Variants in PCDHGB6 observed in about 807,000 individuals in gnomAD.
The protein encoded by PCDHGB6 is protocadherin gamma-B6.
A neutral mutation model predicts 59.1 loss-of-function variants in PCDHGB6; 51 were observed. That is an observed-to-expected ratio of 0.86 (90% confidence interval 0.69 to 1.09). The LOEUF is 1.09. Ranked by LOEUF, PCDHGB6 falls within the 50% of genes least tolerant of loss-of-function variation. PCDHGB6 has a pLI of 0.00. For missense variants in PCDHGB6, 1,148 were observed against 1,205.1 expected, an observed-to-expected ratio of 0.95 and a Z score of 0.70; for synonymous variants, 466 against 495.1, an observed-to-expected ratio of 0.94 and a Z score of 0.78.
chr5:141,495,900 G>A (rs1403705200), intron 2 of PCDHGB6, among the ~76,000 whole-genome samples: 2 of 151,894 alleles, frequency 1.3e-5, no homozygotes, highest in East Asian at 1.9e-4. Context: ...CTTTGTCTCT[G>A]TCTCTGTATA....
chr5:141,491,136 G>A lies in PCDHGB6; in HGVS notation c.2419-3671G>A, dbSNP rs769904518. On this transcript the variant is annotated intron_variant, in intron 1 of 3. Coordinates refer to ENST00000520790, the MANE Select transcript of PCDHGB6 (RefSeq NM_018926.3). This position sits in a 1 kb window ranked among gnomAD's most constrained non-coding sequence, Gnocchi z 6.9. ...ACACTGGTGAGGTGCGCACAGCCCG[G>A]GCCTTACTGGAGGATGACTCTGACA... The A allele has an allele frequency of 2.4e-5, 38 of 1,614,030 alleles. 1 individual carries two copies. The South Asian group carries it at 4.1e-4, about 17-fold the overall frequency.
Position 141,491,757 on chromosome 5 carries a change from C to G in PCDHGB6, c.2419-3050C>G. ...CTGGGGGCGGCACTGGAGAAGCCGC[C>G]CGTCCTCATAAGGGATTGAACTTGC... On this transcript the variant is annotated intron_variant, in intron 1 of 3. Coordinates refer to ENST00000520790, the MANE Select transcript of PCDHGB6 (RefSeq NM_018926.3). This position sits in a 1 kb window ranked among gnomAD's most constrained non-coding sequence, Gnocchi z 6.9. 1 of 1,580,374 alleles carries G rather than the reference C, an allele frequency of 6.3e-7. No individual in the cohort carries two copies. The highest frequency in any genetic ancestry group is 1.9e-5 in the Admixed American group (1 of 53,534).
Position 141,477,447 on chromosome 5 carries a change from G to C in PCDHGB6, c.2419-17360G>C, listed in dbSNP as rs779097830. On this transcript the variant is annotated intron_variant, in intron 1 of 3. Coordinates refer to ENST00000520790, the MANE Select transcript of PCDHGB6 (RefSeq NM_018926.3). The surrounding 1 kb of genome is among the most constrained non-coding windows in gnomAD (Gnocchi z 4.9). ...TCCCTCTCAGCCCTTACAATAGTGCGTGTTCAAGTGTCCGACATCAATGAC... is the reference window on the plus strand; with the variant it reads ...TCCCTCTCAGCCCTTACAATAGTGCCTGTTCAAGTGTCCGACATCAATGAC... The C allele has an allele frequency of 1.6e-5, 26 of 1,614,098 alleles. No individual in the cohort carries two copies. Among genetic ancestry groups the C allele is most frequent in the Non-Finnish European group, 2.2e-5 (26 of 1,180,016 alleles).
At chr5:141,440,501 A>G (rs2098183001) in intron 1 of PCDHGB6, 1 of 152,174 alleles carries the variant, frequency 6.6e-6, no homozygotes, top group African/African-American at 2.4e-5. Context: ...TCACATTAAT[A>G]TGGAGATTCA....
At chr5:141,421,718 G>C (rs778263773) in intron 1 of PCDHGB6, 1 of 1,613,966 alleles carries the variant, frequency 6.2e-7, no homozygotes, top group Middle Eastern at 1.7e-4. Context: ...CCAGATGTGG[G>C]CGTGAACTCC....
rs1253223100 is a variant in PCDHGB6 at position 141,493,049 on chromosome 5, T to C, written c.2419-1758T>C. Among the ~76,000 whole-genome samples the C allele has an allele frequency of 6.6e-6, 1 of 152,188 alleles. No homozygotes were observed. Among genetic ancestry groups the C allele is most frequent in the Non-Finnish European group, 1.5e-5 (1 of 68,032 alleles). Reference sequence around the variant, plus strand: ...GCCCTTATGTGTGAGGAAACTACAATAGTAAAAAACACAAGTTTCTCCAAC... The same window carrying C: ...GCCCTTATGTGTGAGGAAACTACAACAGTAAAAAACACAAGTTTCTCCAAC... On this transcript the variant is annotated intron_variant, in intron 1 of 3. Transcript: ENST00000520790. This position sits in a 1 kb window ranked among gnomAD's most constrained non-coding sequence, Gnocchi z 4.3.
intron 1 of PCDHGB6, among the ~76,000 whole-genome samples, chr5:141,453,065 G>A (rs1308047230): frequency 3.3e-5 from 5 of 151,960 alleles, no homozygotes; most frequent in African/African-American, 1.2e-4. Flanking sequence ...TTAGAGTTTT[G>A]CCACACTCTG....
At chr5:141,413,572 A>C in intron 1 of PCDHGB6, 2 of 1,613,890 alleles carry the variant, frequency 1.2e-6, no homozygotes, top group Non-Finnish European at 1.7e-6. Context: ...TATCAATGAC[A>C]ATGCTCCAAA....
rs2233600 is a variant in PCDHGB6, at chr5:141,489,134, A to C, written c.2419-5673A>C. 9,827 of 731,232 alleles carry C rather than the reference A, an allele frequency of 0.013. 1,099 individuals are homozygous for C. The East Asian group carries it at 0.25, about 19-fold the overall frequency. The allele number at this position is 731,232 out of a possible 1,614,324, so 45.3% of individuals were successfully genotyped here. A position where few individuals can be genotyped will look rare whatever the true frequency, so the allele number is the denominator to read the frequency against. Reference sequence around the variant, plus strand: ...GGCAAACCTCCGAGCAGTTTTTAAGAGGCTGGAAGGAGACATAAGAGACTT... The same window carrying C: ...GGCAAACCTCCGAGCAGTTTTTAAGCGGCTGGAAGGAGACATAAGAGACTT... On this transcript the variant is annotated intron_variant, in intron 1 of 3. Transcript: ENST00000520790. The surrounding 1 kb of genome is among the most constrained non-coding windows in gnomAD (Gnocchi z 4.5).
chr5:141,496,284 G>A (rs1052943936), intron 2 of PCDHGB6, among the ~76,000 whole-genome samples: 6 of 152,210 alleles, frequency 3.9e-5, no homozygotes, highest in Admixed American at 1.3e-4. Context: ...CAGTTGGTCT[G>A]AGCAGAGTGG....
intron 1 of PCDHGB6, chr5:141,413,635 A>C: frequency 6.2e-7 from 1 of 1,613,888 alleles, no homozygotes; most frequent in Non-Finnish European, 8.5e-7. Context: ...CGCTGCGGGA[A>C]TGCGTTTTCC....
Position 141,431,215 on chromosome 5 carries a change from C to T in PCDHGB6, c.2418+20595C>T, listed in dbSNP as rs1225114172. On this transcript the variant is annotated intron_variant, in intron 1 of 3. Transcript: ENST00000520790. The surrounding 1 kb of genome is among the most constrained non-coding windows in gnomAD (Gnocchi z 4.8). ...AAAATGCAGCCACTGAGATGCGGTT[C>T]CCTCTACCCCACGCCTGGGATCCGG... is the stretch of plus-strand genomic sequence containing the variant. 2.5e-6 allele frequency: 4 copies of T among 1,614,066 alleles called. No homozygotes were observed. The highest frequency in any genetic ancestry group is 1.3e-5 in the African/African-American group (1 of 74,942).
rs758439978 is a variant in PCDHGB6 at position 141,415,219 on chromosome 5, T to C, written c.2418+4599T>C. ...CCAAGTCCTGGCGGACCTCGGCAGC[T>C]TCGAGTCTCCAGCTAACTCTGAAAC... On this transcript the variant is annotated intron_variant, in intron 1 of 3. Coordinates refer to ENST00000520790, the MANE Select transcript of PCDHGB6 (RefSeq NM_018926.3). 42 of 1,613,954 alleles carry C rather than the reference T, an allele frequency of 2.6e-5. No individual in the cohort carries two copies. Among genetic ancestry groups the C allele is most frequent in the South Asian group, 9.9e-5 (9 of 91,088 alleles).
At chr5:141,422,345 A>G in intron 1 of PCDHGB6, 1 of 1,551,648 alleles carries the variant, frequency 6.4e-7, no homozygotes, top group South Asian at 1.3e-5. Context: ...CTAAATGTGC[A>G]AGATCAAGAT....
chr5:141,410,849 C>CTTTTTTTTTGTTTTTTTT (rs2095433801), intron 1 of PCDHGB6: 1 of 129,786 alleles, frequency 7.7e-6, no homozygotes, highest in African/African-American at 6.0e-5. Context: ...TTGTCTTTGT[C>CTTTTTTTTTGTTTTTTTT]TTTTTTTTTT....
Position 141,429,387 on chromosome 5 carries a change from TAAA to T in PCDHGB6, c.2418+18773_2418+18775del, listed in dbSNP as rs11410533. Among the ~76,000 whole-genome samples, 27 of 151,446 alleles carry T rather than the reference TAAA, an allele frequency of 1.8e-4. No homozygotes were observed. In the East Asian group the frequency reaches 1.9e-3, roughly 11 times the overall value. ...AAATGGAGAAAATGTGTTTTTTTTTTAAAAAAAATTGAGATTAAGGTCTCATTA... is the reference window on the plus strand; with the variant it reads ...AAATGGAGAAAATGTGTTTTTTTTTTAAAAATTGAGATTAAGGTCTCATTA... On this transcript the variant is annotated intron_variant, in intron 1 of 3. Coordinates refer to ENST00000520790, the MANE Select transcript of PCDHGB6 (RefSeq NM_018926.3).
chr5:141,481,167 A>C (rs77180710), intron 1 of PCDHGB6, among the ~76,000 whole-genome samples: 2,577 of 152,328 alleles, frequency 0.017, 78 homozygotes, highest in African/African-American at 0.059. Flanking sequence ...GCAGAACCAG[A>C]ATCCAGCTTT....
At position 141,476,746 on chromosome 5, in the gene PCDHGB6, C is replaced by A; in HGVS notation, c.2419-18061C>A. 1 of 1,614,068 alleles carries A rather than the reference C, an allele frequency of 6.2e-7. No homozygotes were observed. On this transcript the variant is annotated intron_variant, in intron 1 of 3. Transcript: ENST00000520790. The surrounding 1 kb of genome is among the most constrained non-coding windows in gnomAD (Gnocchi z 7.6). ...TGGACCGAGAACGGGAGCCTAGTCT[C>A]CAGTTAGTGCTGACGGCGTTGGACG...
rs35821115 is a variant in PCDHGB6, at chr5:141,460,961, ATGTG to A, written c.2419-33826_2419-33823del. 3.6e-3 allele frequency among the ~76,000 whole-genome samples: 519 copies of A among 144,600 alleles called. 3 individuals carry two copies. The highest frequency in any genetic ancestry group is 4.3e-3 in the African/African-American group (168 of 38,712). The allele number at this position is 144,600 out of a possible 152,430, so 94.9% of individuals were successfully genotyped here. A position where few individuals can be genotyped will look rare whatever the true frequency, so the allele number is the denominator to read the frequency against. ...ATATATATGTATTATGTATATATAT[ATGTG>A]TGTGTGTGTGTGTGTGTGTATATAT... On this transcript the variant is annotated intron_variant, in intron 1 of 3. Transcript: ENST00000520790.
Sources: gnomAD v4.1 joint callset for allele counts (sites outside exome capture counted in the v4.1 genomes callset) on GRCh38, gnomAD v4.1.1 for gene constraint, Gnocchi (gnomAD v3.1) non-coding constraint, MANE v1.5 for transcripts, NCBI Gene and HGNC (gene_info 2026-07-23, HGNC 2026-07-21) for gene names.